Variants in PCSK5 observed in about 807,000 individuals in gnomAD.
PCSK5 encodes proprotein convertase subtilisin/kexin type 5, also known as prohormone convertase 5.
A neutral mutation model predicts 233.2 loss-of-function variants in PCSK5; 129 were observed. That is an observed-to-expected ratio of 0.55 (90% CI 0.48 to 0.64). The LOEUF is 0.64. Ranked by LOEUF, PCSK5 falls within the 30% of genes least tolerant of loss-of-function variation. The pLI is 0.00. For missense variants in PCSK5, 2,076 were observed against 2,430.1 expected (o/e 0.85, Z 3.06); for synonymous variants, 825 against 879.2 (o/e 0.94, Z 1.09).
intron 3 of PCSK5, among the ~76,000 whole-genome samples, chr9:75,998,274 A>G (rs1356206763): frequency 6.6e-6 from 1 of 152,102 alleles, no homozygotes; most frequent in Admixed American, 6.5e-5. Flanking sequence ...TTTAAGTGCT[A>G]ATTCTGACTT....
At chr9:75,903,895 A>G (rs1014621618) in intron 1 of PCSK5, among the ~76,000 whole-genome samples, 1 of 151,982 alleles carries the variant, frequency 6.6e-6, no homozygotes, top group Non-Finnish European at 1.5e-5. Flanking sequence ...CTGCCTACTC[A>G]TCCTGTGCCT....
chr9:76,047,016 A>T (rs1228712834), intron 5 of PCSK5, among the ~76,000 whole-genome samples: 2 of 152,242 alleles, frequency 1.3e-5, no homozygotes, highest in Non-Finnish European at 2.9e-5. Context: ...TGTGTCTCTA[A>T]GTGTGATATC....
rs1346875788 is a variant in PCSK5, at chr9:76,360,826, T to G, written c.*1904T>G. On this transcript the variant is annotated 3_prime_UTR_variant, in exon 38 of 38. Transcript: ENST00000674117. ...ATTTATGGACACTGACATTTGAAAT[T>G]CAGGTAATTTTCACATATTATAAAA... The G allele has an allele frequency of 6.6e-6, 1 of 152,230 alleles. No homozygotes were observed. Among genetic ancestry groups the G allele is most frequent in the African/African-American group, 2.4e-5 (1 of 41,462 alleles). 9.4% of individuals were successfully genotyped at this position (152,230 alleles called of 1,614,324 possible). A position where few individuals can be genotyped will look rare whatever the true frequency, so the allele number is the denominator to read the frequency against.
At chr9:76,178,805 A>C (rs1823726314) in intron 14 of PCSK5, among the ~76,000 whole-genome samples, 1 of 152,182 alleles carries the variant, frequency 6.6e-6, no homozygotes, top group Non-Finnish European at 1.5e-5. Context: ...AGAATTAAAA[A>C]CTTCTATAAC....
At chr9:76,023,034 T>C (rs1311262019) in intron 3 of PCSK5, among the ~76,000 whole-genome samples, 1 of 152,216 alleles carries the variant, frequency 6.6e-6, no homozygotes, top group Non-Finnish European at 1.5e-5. Context: ...TGGATGGGCT[T>C]CTAGGCGCGT....
chr9:76,077,566 C>G (rs975426749), intron 7 of PCSK5, among the ~76,000 whole-genome samples: 4 of 152,138 alleles, frequency 2.6e-5, no homozygotes, highest in Non-Finnish European at 5.9e-5. Flanking sequence ...CCTCTCTCCC[C>G]TCCCCATAGT....
At chr9:75,911,645 A>C (rs955837051) in intron 1 of PCSK5, among the ~76,000 whole-genome samples, 1 of 152,124 alleles carries the variant, frequency 6.6e-6, no homozygotes, top group African/African-American at 2.4e-5. Flanking sequence ...TCTTGAGTTG[A>C]CTGCTGGGTC....
At chr9:76,143,474 A>G (rs1042070842) in intron 10 of PCSK5, among the ~76,000 whole-genome samples, 3 of 152,278 alleles carry the variant, frequency 2.0e-5, no homozygotes, top group Non-Finnish European at 2.9e-5. Flanking sequence ...GTCAAAAAGA[A>G]TATTATTTCT....
intron 1 of PCSK5, 67 bp from the exon 2 acceptor site, chr9:75,932,312 A>G: frequency 1.0e-6 from 1 of 963,396 alleles, no homozygotes; most frequent in African/African-American, 1.6e-5. Context: ...AAAACAGGAA[A>G]ACAGAAGACG....
At chr9:75,898,917 T>C (rs1027864924) in intron 1 of PCSK5, among the ~76,000 whole-genome samples, 3 of 152,194 alleles carry the variant, frequency 2.0e-5, no homozygotes, top group Non-Finnish European at 4.4e-5. Flanking sequence ...CAAATAGTAA[T>C]GGACTTCTGG....
chr9:76,349,805 G>C (rs572011105), intron 35 of PCSK5, among the ~76,000 whole-genome samples: 1 of 152,162 alleles, frequency 6.6e-6, no homozygotes, highest in East Asian at 1.9e-4. Flanking sequence ...TAGGTCTCCG[G>C]TCCCCAAACT....
At chr9:75,941,107 G>T (rs1013934834) in intron 2 of PCSK5, among the ~76,000 whole-genome samples, 1 of 152,134 alleles carries the variant, frequency 6.6e-6, no homozygotes, top group Non-Finnish European at 1.5e-5. Flanking sequence ...CTGCTGCATT[G>T]CCTCTCTCCC....
chr9:76,275,333 A>G (rs1433615551), intron 24 of PCSK5, among the ~76,000 whole-genome samples: 2 of 152,130 alleles, frequency 1.3e-5, no homozygotes, highest in Non-Finnish European at 2.9e-5. Flanking sequence ...TGACAACCCT[A>G]ACTATAATAA....
intron 3 of PCSK5, among the ~76,000 whole-genome samples, chr9:75,998,022 A>G (rs1342768709): frequency 1.3e-5 from 2 of 152,160 alleles, no homozygotes; most frequent in Non-Finnish European, 1.5e-5. Context: ...AGTCAAACAA[A>G]CTATGGTCAG....
chr9:76,140,942 A>T (rs1823190636), intron 10 of PCSK5, among the ~76,000 whole-genome samples: 1 of 152,116 alleles, frequency 6.6e-6, no homozygotes, highest in Admixed American at 6.6e-5. Context: ...TCTTTTGTGT[A>T]ATCACCTGAA....
intron 1 of PCSK5, among the ~76,000 whole-genome samples, chr9:75,919,456 C>A (rs955587398): frequency 3.9e-5 from 6 of 152,096 alleles, no homozygotes; most frequent in African/African-American, 1.4e-4. Flanking sequence ...TTTAATTTTT[C>A]TTGAGGAATA....
intron 34 of PCSK5, among the ~76,000 whole-genome samples, chr9:76,337,832 C>G (rs1263057697): frequency 8.0e-6 from 1 of 124,552 alleles, no homozygotes; most frequent in Non-Finnish European, 1.9e-5. Flanking sequence ...AGACACCCAT[C>G]TCTGTTTTAA....
chr9:75,995,566 GA>G (rs1826978283), intron 3 of PCSK5, among the ~76,000 whole-genome samples: 1 of 152,202 alleles, frequency 6.6e-6, no homozygotes, highest in Admixed American at 6.5e-5. Context: ...CTTGAATTGG[GA>G]GTTGTGTTCC....
intron 24 of PCSK5, among the ~76,000 whole-genome samples, chr9:76,263,636 G>A (rs1289033767): frequency 1.3e-5 from 2 of 151,856 alleles, no homozygotes; most frequent in African/African-American, 4.8e-5. Context: ...TGTGGGGTGG[G>A]GGGAGTGGGG....
Sources: gnomAD v4.1 joint callset for allele counts (sites outside exome capture counted in the v4.1 genomes callset) on GRCh38, gnomAD v4.1.1 for gene constraint, MANE v1.5 for transcripts, NCBI Gene and HGNC (gene_info 2026-07-23, HGNC 2026-07-21) for gene names.